The following REEP1 variants were observed in gnomAD, a reference collection of about 807,000 sequenced individuals.
REEP1 encodes the protein receptor accessory protein 1, also known as receptor expression-enhancing protein 1.
Under a neutral mutation model 40.3 loss-of-function variants are expected in REEP1, and 22 were observed. The observed-to-expected ratio is 0.55, with a 90% CI of 0.39 to 0.78. The LOEUF is 0.78. REEP1 is among the 30% of genes least tolerant of loss of function. The pLI is 0.00. For missense variants in REEP1, 280 were observed against 361.1 expected, an observed-to-expected ratio of 0.78 and a Z score of 1.82; for synonymous variants, 116 against 139.2, an observed-to-expected ratio of 0.83 and a Z score of 1.17.
chr2:86,275,214 AG>A (rs1442428270), intron 2 of REEP1, among the ~76,000 whole-genome samples: 2 of 152,170 alleles, frequency 1.3e-5, no homozygotes, highest in African/African-American at 4.8e-5. Flanking sequence ...CTATATAGTC[AG>A]GGGTGACCCT....
intron 1 of REEP1, among the ~76,000 whole-genome samples, chr2:86,329,131 G>A (rs1340012990): frequency 2.0e-5 from 3 of 152,182 alleles, no homozygotes; most frequent in Non-Finnish European, 2.9e-5. Flanking sequence ...CCCCTGGAGT[G>A]CGGCCATCCC....
At chr2:86,276,337 A>G (rs538323156) in intron 2 of REEP1, among the ~76,000 whole-genome samples, 1 of 151,886 alleles carries the variant, frequency 6.6e-6, no homozygotes, top group Admixed American at 6.6e-5. Context: ...TGGAATATTC[A>G]TTTTTTCTGC....
chr2:86,318,310 C>CA (rs1680119599), intron 1 of REEP1, among the ~76,000 whole-genome samples: 2 of 151,306 alleles, frequency 1.3e-5, no homozygotes, highest in South Asian at 4.2e-4. Context: ...AACCTTGATA[C>CA]AAAAAAGACT....
intron 1 of REEP1, among the ~76,000 whole-genome samples, chr2:86,298,315 T>C (rs986801239): frequency 6.6e-6 from 1 of 152,194 alleles, no homozygotes; most frequent in Non-Finnish European, 1.5e-5. Context: ...GGCTCCCAAC[T>C]GGGGGTCAGG....
intron 1 of REEP1, among the ~76,000 whole-genome samples, chr2:86,310,605 C>T (rs1008949721): frequency 2.6e-5 from 4 of 152,154 alleles, no homozygotes; most frequent in Non-Finnish European, 5.9e-5. Context: ...GCATGCTTTC[C>T]ACCCTAAAGA....
intron 3 of REEP1, among the ~76,000 whole-genome samples, chr2:86,260,740 G>A (rs1676813678): frequency 6.6e-6 from 1 of 152,120 alleles, no homozygotes; most frequent in Non-Finnish European, 1.5e-5. Flanking sequence ...CAACCTGAAT[G>A]GGCCTGGAAG....
chr2:86,226,773 CTG>C (rs1308567919), intron 7 of REEP1, among the ~76,000 whole-genome samples: 7 of 151,982 alleles, frequency 4.6e-5, no homozygotes, highest in African/African-American at 1.7e-4. Flanking sequence ...CCCAGTGACC[CTG>C]TGGTGGTTTT....
chr2:86,300,817 C>A (rs569531732), intron 1 of REEP1, among the ~76,000 whole-genome samples: 1 of 152,304 alleles, frequency 6.6e-6, no homozygotes, highest in African/African-American at 2.4e-5. Context: ...AAACCTCTGA[C>A]AATGGATGCC....
At chr2:86,255,457 A>G (rs146025707) in intron 3 of REEP1, among the ~76,000 whole-genome samples, 21 of 152,284 alleles carry the variant, frequency 1.4e-4, no homozygotes, top group Non-Finnish European at 2.8e-4. Context: ...CACGGTGCAG[A>G]TAGCACATAA....
intron 1 of REEP1, among the ~76,000 whole-genome samples, chr2:86,309,889 T>C (rs573567556): frequency 2.0e-5 from 3 of 152,256 alleles, no homozygotes; most frequent in African/African-American, 7.2e-5. Context: ...ATCTAACGTC[T>C]GTGTTTCCAG....
At chr2:86,269,355 C>T (rs1245291540) in intron 2 of REEP1, among the ~76,000 whole-genome samples, 2 of 152,152 alleles carry the variant, frequency 1.3e-5, no homozygotes, top group African/African-American at 4.8e-5. Context: ...CTACTAGTCC[C>T]CCAAATTGTC....
At chr2:86,253,789 G>C (rs1409076450) in intron 4 of REEP1, among the ~76,000 whole-genome samples, 3 of 152,130 alleles carry the variant, frequency 2.0e-5, no homozygotes, top group Admixed American at 6.5e-5. Context: ...CTAGTCCAAG[G>C]AATTCAACTT....
chr2:86,228,948 C>T (rs892857668), intron 6 of REEP1, among the ~76,000 whole-genome samples: 2 of 152,174 alleles, frequency 1.3e-5, no homozygotes, highest in Admixed American at 6.5e-5. Flanking sequence ...GATAAAATCT[C>T]ATTCTGTTTT....
chr2:86,251,655 A>G (rs1676279880), intron 5 of REEP1: 19 of 421,246 alleles, frequency 4.5e-5, no homozygotes, highest in South Asian at 3.6e-4. Context: ...TAGAAATTCT[A>G]TTATTTTCTT....
At chr2:86,324,696 G>A (rs1340209811) in intron 1 of REEP1, among the ~76,000 whole-genome samples, 1 of 152,100 alleles carries the variant, frequency 6.6e-6, no homozygotes, top group East Asian at 1.9e-4. Flanking sequence ...AAAGCCCCAG[G>A]ATAGGCCCCC....
rs534590381 is a variant in REEP1 at position 86,317,519 on chromosome 2, T to C, written c.32+19960A>G. Among the ~76,000 whole-genome samples the C allele has an allele frequency of 2.0e-5, 3 of 152,286 alleles. No homozygotes were observed. In the South Asian group the frequency reaches 6.2e-4, roughly 32 times the overall value. On this transcript the variant is annotated intron_variant, in intron 1 of 8. Transcript: ENST00000538924. ...CAATTTCAACAATATTACCAAGACA[T>C]TTGCCTTTTCGCTGTGTTGAATTTG...
At chr2:86,251,866 C>CT in intron 5 of REEP1, 91 bp downstream of exon 5, 1 of 907,058 alleles carries the variant, frequency 1.1e-6, no homozygotes, top group Non-Finnish European at 1.9e-6. Context: ...CTGATTGGTC[C>CT]TTAGCCTGTT....
intron 6 of REEP1, among the ~76,000 whole-genome samples, chr2:86,229,598 CTTTTTTTTT>C (rs70956106): frequency 2.4e-4 from 27 of 114,444 alleles, no homozygotes; most frequent in Non-Finnish European, 3.8e-4. Context: ...ACCTGTCTTC[CTTTTTTTTT>C]TTTTTTTTTT....
intron 6 of REEP1, among the ~76,000 whole-genome samples, chr2:86,229,570 C>T (rs1042312333): frequency 2.4e-4 from 36 of 151,466 alleles, no homozygotes; most frequent in African/African-American, 7.5e-4. Flanking sequence ...CCCATATCCA[C>T]GCCCCAGGCC....
Sources: gnomAD v4.1 joint callset for allele counts (sites outside exome capture counted in the v4.1 genomes callset) on GRCh38, gnomAD v4.1.1 for gene constraint, MANE v1.5 for transcripts, NCBI Gene and HGNC (gene_info 2026-07-23, HGNC 2026-07-21) for gene names.